Variants in GPM6A observed in about 807,000 individuals in gnomAD.
The protein encoded by GPM6A is glycoprotein M6A, also known as neuronal membrane glycoprotein M6-a.
A neutral mutation model predicts 32.1 loss-of-function variants in GPM6A; 7 were observed. That is an observed-to-expected ratio of 0.22 (90% confidence interval 0.12 to 0.41). The LOEUF is 0.41. Ranked by LOEUF, GPM6A falls within the 10% of genes least tolerant of loss-of-function variation. GPM6A has a pLI of 1.00. For missense variants in GPM6A, 235 were observed against 347.2 expected (o/e 0.68, Z 2.57); for synonymous variants, 130 against 123.4 (o/e 1.05, Z -0.35).
At chr4:175,880,191 A>G (rs1737224446) in intron 1 of GPM6A, among the ~76,000 whole-genome samples, 2 of 152,144 alleles carry the variant, frequency 1.3e-5, no homozygotes, top group African/African-American at 4.8e-5. Flanking sequence ...AAGATCAGGT[A>G]GTTGTAGATG....
chr4:175,657,586 C>A (rs1742159128), intron 3 of GPM6A, among the ~76,000 whole-genome samples: 2 of 152,130 alleles, frequency 1.3e-5, no homozygotes, highest in Admixed American at 1.3e-4. Flanking sequence ...ATAAGCCAGA[C>A]ACACCTACTA....
chr4:175,673,888 G>T, intron 2 of GPM6A, 52 bp from the exon 3 acceptor site: 1 of 1,250,018 alleles, frequency 8.0e-7, no homozygotes, highest in Non-Finnish European at 1.1e-6. Flanking sequence ...TTGCTGCTGT[G>T]CAGAAATTGA....
At chr4:175,700,343 T>G (rs1261757563) in intron 2 of GPM6A, among the ~76,000 whole-genome samples, 1 of 152,192 alleles carries the variant, frequency 6.6e-6, no homozygotes, top group Non-Finnish European at 1.5e-5. Context: ...TATAAGAAAT[T>G]TAGCAATATG....
intron 1 of GPM6A, among the ~76,000 whole-genome samples, chr4:175,923,131 AT>A (rs1247964173): frequency 6.0e-5 from 9 of 151,220 alleles, no homozygotes; most frequent in African/African-American, 1.9e-4. Flanking sequence ...TAAATGCTGA[AT>A]CTTTGCTAAG....
At chr4:175,641,109 T>C (rs536907807) in intron 4 of GPM6A, 5 of 414,442 alleles carry the variant, frequency 1.2e-5, no homozygotes, top group Admixed American at 3.8e-5. Context: ...ATAGCCAGTT[T>C]ATTGGTTTGG....
chr4:175,877,150 G>A (rs752354736), intron 1 of GPM6A, among the ~76,000 whole-genome samples: 11 of 152,320 alleles, frequency 7.2e-5, no homozygotes, highest in Non-Finnish European at 1.6e-4. Context: ...GTCCTGAGGT[G>A]AATGCAGACA....
intron 1 of GPM6A, among the ~76,000 whole-genome samples, chr4:175,820,490 T>C (rs371015614): frequency 4.3e-4 from 53 of 124,144 alleles, no homozygotes; most frequent in African/African-American, 1.5e-3. Flanking sequence ...TTTTCTTTTT[T>C]CTTTTCTTTC....
chr4:175,666,536 C>T (rs1047865625), intron 3 of GPM6A, among the ~76,000 whole-genome samples: 7 of 152,118 alleles, frequency 4.6e-5, no homozygotes, highest in African/African-American at 1.4e-4. Context: ...GTACAGTAGG[C>T]ATACGATTTC....
At chr4:175,835,009 C>G (rs1472644738) in intron 1 of GPM6A, among the ~76,000 whole-genome samples, 3 of 152,184 alleles carry the variant, frequency 2.0e-5, no homozygotes, top group Non-Finnish European at 4.4e-5. Context: ...TCCAGCTTCT[C>G]CTGCTGAGCT....
chr4:175,671,614 G>A (rs1405433058), intron 3 of GPM6A, among the ~76,000 whole-genome samples: 2 of 151,994 alleles, frequency 1.3e-5, no homozygotes, highest in African/African-American at 4.8e-5. Flanking sequence ...GCAAGCTGAG[G>A]TGGGGGTGTG....
At chr4:175,873,718 A>G (rs1736992678) in intron 1 of GPM6A, among the ~76,000 whole-genome samples, 1 of 152,194 alleles carries the variant, frequency 6.6e-6, no homozygotes, top group Non-Finnish European at 1.5e-5. Flanking sequence ...CCAATATTTA[A>G]AAGAGATAAC....
At chr4:175,976,328 A>ATTTTTTTTTTTTTTTTTTTTT (rs34163669) in intron 1 of GPM6A, among the ~76,000 whole-genome samples, 8 of 137,330 alleles carry the variant, frequency 5.8e-5, no homozygotes, top group African/African-American at 9.1e-5. Flanking sequence ...CGCCTGGCTA[A>ATTTTTTTTTTTTTTTTTTTTT]TTTTTTTTTT....
At chr4:175,719,896 G>A (rs2111111948) in intron 1 of GPM6A, among the ~76,000 whole-genome samples, 1 of 152,144 alleles carries the variant, frequency 6.6e-6, no homozygotes, top group African/African-American at 2.4e-5. Context: ...GCTCCCTAAG[G>A]CCAGGGAAAT....
chr4:175,687,968 G>A (rs961691520), intron 2 of GPM6A, among the ~76,000 whole-genome samples: 14 of 152,100 alleles, frequency 9.2e-5, no homozygotes, highest in African/African-American at 3.1e-4. Flanking sequence ...ATACCTGTTG[G>A]CCAATTGTAA....
rs565304825 is a variant in GPM6A, at chr4:175,929,602, G to A, written c.-23+72707C>T. Among the ~76,000 whole-genome samples, 4 of 152,192 alleles carry A rather than the reference G, an allele frequency of 2.6e-5. No individual in the cohort carries two copies. In the South Asian group the frequency reaches 8.3e-4, roughly 32 times the overall value. On this transcript the variant is annotated intron_variant, in intron 1 of 7. Coordinates refer to the GPM6A transcript ENST00000280187. ...ACTCCTTCCTAAATCTATCCTTGCT[G>A]CTCTCCTTCACTCTTCAAACGTTTC...
intron 3 of GPM6A, among the ~76,000 whole-genome samples, chr4:175,655,551 C>T (rs1742033094): frequency 6.6e-6 from 1 of 151,812 alleles, no homozygotes; most frequent in Non-Finnish European, 1.5e-5. Flanking sequence ...ATAAGCTGCT[C>T]TTACTTTTGT....
rs2111344858 is a variant in GPM6A, at chr4:175,818,250, G to A, written c.-22-6001C>T. Among the ~76,000 whole-genome samples the A allele has an allele frequency of 1.3e-5, 2 of 152,262 alleles. 1 individual carries two copies. The highest frequency in any genetic ancestry group is 4.1e-4 in the South Asian group (2 of 4,820). ...TCTAATTTCTTAAAATTGTCCATTT[G>A]TGAATGTTGTTTCTTCTTCCTAAAA... On this transcript the variant is annotated intron_variant, in intron 1 of 7. Coordinates refer to the GPM6A transcript ENST00000280187.
Position 175,634,676 on chromosome 4 carries a change from A to C in GPM6A, c.*229T>G, listed in dbSNP as rs76711963. The C allele has an allele frequency of 6.9e-6, 3 of 432,878 alleles. No individual in the cohort carries two copies. The highest frequency in any genetic ancestry group is 1.2e-5 in the Non-Finnish European group (3 of 244,526). 26.8% of individuals were successfully genotyped at this position (432,878 alleles called of 1,614,324 possible). The stretch of plus-strand genomic sequence containing the variant: ...TAGTAAATGAGTTTGAGAAATTTCA[A>C]AAAAAAGGCTGGATAGGAGCTTGTA... On this transcript the variant is annotated 3_prime_UTR_variant, in exon 7 of 7. Coordinates refer to ENST00000393658, the MANE Select transcript of GPM6A (RefSeq NM_201591.3).
chr4:175,697,286 G>T (rs201697879), intron 2 of GPM6A, among the ~76,000 whole-genome samples: 1 of 152,062 alleles, frequency 6.6e-6, no homozygotes, highest in East Asian at 1.9e-4. Flanking sequence ...AAATGAATCT[G>T]CTTCACAGAA....
Sources: gnomAD v4.1 joint callset for allele counts (sites outside exome capture counted in the v4.1 genomes callset) on GRCh38, gnomAD v4.1.1 for gene constraint, MANE v1.5 for transcripts, NCBI Gene and HGNC (gene_info 2026-07-23, HGNC 2026-07-21) for gene names.